The following PCDH11X variants were observed in gnomAD, a reference collection of about 807,000 sequenced individuals.
PCDH11X encodes the protein protocadherin-11 X-linked.
A neutral mutation model predicts 53.3 loss-of-function variants in PCDH11X; 18 were observed. The observed-to-expected ratio is 0.34, with a 90% CI of 0.23 to 0.50. The LOEUF is 0.50. Ranked by LOEUF, PCDH11X falls within the 20% of genes least tolerant of loss-of-function variation. The pLI, the probability that PCDH11X is intolerant of heterozygous loss-of-function variation, is 0.98. For missense variants in PCDH11X, 570 were observed against 1,032.4 expected (o/e 0.55, Z 6.14); for synonymous variants, 279 against 393.3 (o/e 0.71, Z 3.44).
chrX:91,875,832 T>C (rs1396460851), intron 5 of PCDH11X, among the ~76,000 whole-genome samples: 1 of 110,698 alleles, frequency 9.0e-6, no homozygotes, highest in African/African-American at 3.3e-5. Context: ...TTTATACAAA[T>C]TTATATTTTA....
chrX:92,430,870 T>C (rs1169939362), intron 9 of PCDH11X, among the ~76,000 whole-genome samples: 1 of 107,414 alleles, frequency 9.3e-6, no homozygotes, highest in Non-Finnish European at 1.9e-5. Context: ...TAGCATATGT[T>C]TTATAGTTTT....
chrX:92,251,248 T>C (rs1199233481), intron 7 of PCDH11X, among the ~76,000 whole-genome samples: 2 of 110,949 alleles, frequency 1.8e-5, no homozygotes, highest in African/African-American at 3.3e-5. Flanking sequence ...GAATTTATGC[T>C]TGTAACCAAG....
At chrX:91,999,747 A>C (rs2062478120) in intron 6 of PCDH11X, among the ~76,000 whole-genome samples, 1 of 109,135 alleles carries the variant, frequency 9.2e-6, no homozygotes, top group Non-Finnish European at 1.9e-5. Flanking sequence ...ATTTGTAATA[A>C]CTAATCTCAT....
intron 6 of PCDH11X, among the ~76,000 whole-genome samples, chrX:91,951,417 AATAG>A (rs1462989506): frequency 9.4e-6 from 1 of 106,139 alleles, no homozygotes; most frequent in Non-Finnish European, 1.9e-5. Context: ...CAACATTCAT[AATAG>A]ATCTAGAAAT....
intron 6 of PCDH11X, among the ~76,000 whole-genome samples, chrX:92,058,726 T>G (rs971839953): frequency 9.1e-6 from 1 of 109,958 alleles, no homozygotes; most frequent in African/African-American, 3.3e-5. Context: ...CAGTAATGCA[T>G]GTGTGTTTAT....
chrX:91,790,823 T>A (rs1319037923), intron 1 of PCDH11X, among the ~76,000 whole-genome samples: 3 of 111,281 alleles, frequency 2.7e-5, no homozygotes, highest in Non-Finnish European at 5.7e-5. Flanking sequence ...CAAATGACAT[T>A]GAAAGCAACC....
At chrX:91,981,256 C>G (rs2062132495) in intron 6 of PCDH11X, among the ~76,000 whole-genome samples, 1 of 109,059 alleles carries the variant, frequency 9.2e-6, no homozygotes, top group Admixed American at 1.0e-4. Context: ...CCCATTCAAT[C>G]TTTGAATGAA....
chrX:92,401,581 T>C (rs1315657589), intron 9 of PCDH11X, among the ~76,000 whole-genome samples: 1 of 112,114 alleles, frequency 8.9e-6, no homozygotes, highest in Non-Finnish European at 1.9e-5. Flanking sequence ...CAAGGCAATA[T>C]GCCACCTTTT....
chrX:92,325,486 T>G, intron 8 of PCDH11X, among the ~76,000 whole-genome samples: 1 of 111,509 alleles, frequency 9.0e-6, no homozygotes, highest in East Asian at 2.8e-4. Flanking sequence ...ACAAGTAAAT[T>G]TTAGGAAATG....
At chrX:91,780,476 G>C (rs1330622534) in intron 1 of PCDH11X, among the ~76,000 whole-genome samples, 1 of 112,441 alleles carries the variant, frequency 8.9e-6, no homozygotes, top group African/African-American at 3.2e-5. Flanking sequence ...TTTTCTAAGA[G>C]TATTGCCAGA....
chrX:92,191,816 T>A (rs185183681), intron 6 of PCDH11X, among the ~76,000 whole-genome samples: 18 of 112,171 alleles, frequency 1.6e-4, no homozygotes, highest in Middle Eastern at 4.6e-3. Context: ...CATGATAACA[T>A]TTAGTGCCTC....
At chrX:91,932,671 A>AGTGTGTGTGT (rs67334455) in intron 6 of PCDH11X, among the ~76,000 whole-genome samples, 138 of 94,620 alleles carry the variant, frequency 1.5e-3, no homozygotes, top group Non-Finnish European at 1.8e-3. Context: ...GCATTGTGTG[A>AGTGTGTGTGT]GTGTGTGTGT....
chrX:91,952,647 A>G (rs770397985), intron 6 of PCDH11X, among the ~76,000 whole-genome samples: 3 of 111,794 alleles, frequency 2.7e-5, no homozygotes, highest in Non-Finnish European at 3.8e-5. Context: ...TCAAAAAACT[A>G]AAAATTGAGC....
Position 92,458,024 on chromosome X carries a change from T to C in PCDH11X, c.3344-10275T>C, listed in dbSNP as rs1389852808. ...GTAAATAATATAGTATTAATATAAG[T>C]ATAGACATGCGTATAATATATGATC... On this transcript the variant is annotated intron_variant, in intron 9 of 10. Coordinates refer to ENST00000682573, the MANE Select transcript of PCDH11X (RefSeq NM_032968.5). 2.1e-4 allele frequency among the ~76,000 whole-genome samples: 23 copies of C among 110,252 alleles called. No individual in the cohort carries two copies. In the Admixed American group the frequency reaches 2.2e-3, roughly 11 times the overall value.
intron 6 of PCDH11X, among the ~76,000 whole-genome samples, chrX:92,049,074 A>G (rs1405861161): frequency 9.0e-6 from 1 of 110,818 alleles, no homozygotes; most frequent in Non-Finnish European, 1.9e-5. Flanking sequence ...TACAGTGCAG[A>G]GGAAGCTCTC....
At chrX:92,347,764 T>G (rs187318788) in intron 8 of PCDH11X, among the ~76,000 whole-genome samples, 1 of 111,994 alleles carries the variant, frequency 8.9e-6, no homozygotes, top group Admixed American at 9.5e-5. Context: ...AACCCTTTAT[T>G]GTTCTTGCTT....
At chrX:92,487,569 T>C (rs1394139619) in intron 10 of PCDH11X, among the ~76,000 whole-genome samples, 4 of 111,135 alleles carry the variant, frequency 3.6e-5, no homozygotes, top group Non-Finnish European at 7.5e-5. Flanking sequence ...AAGAGTATGG[T>C]TGTTAAATCT....
At chrX:92,032,743 G>A (rs1575400) in intron 6 of PCDH11X, among the ~76,000 whole-genome samples, 34,172 of 104,889 alleles carry the variant, frequency 0.33, 6,781 homozygotes, top group African/African-American at 0.63. Flanking sequence ...AAATGATCAT[G>A]TAGTTTTGTC....
At chrX:92,400,958 A>C (rs1207215930) in intron 9 of PCDH11X, among the ~76,000 whole-genome samples, 1 of 100,597 alleles carries the variant, frequency 9.9e-6, no homozygotes, top group East Asian at 3.5e-4. Context: ...GGTAGGAATC[A>C]AAGATAGCCA....
Sources: gnomAD v4.1 joint callset for allele counts (sites outside exome capture counted in the v4.1 genomes callset) on GRCh38, gnomAD v4.1.1 for gene constraint, MANE v1.5 for transcripts, NCBI Gene and HGNC (gene_info 2026-07-23, HGNC 2026-07-21) for gene names.